Variants in FHIT observed in about 807,000 individuals in gnomAD.
FHIT encodes bis(5'-adenosyl)-triphosphatase.
FHIT carries 19 observed loss-of-function variants against 17.9 expected under a neutral mutation model. The ratio of observed to expected loss-of-function variants is 1.06; its 90% CI spans 0.74 to 1.56. The LOEUF (loss-of-function observed/expected upper bound fraction) is 1.56, where lower values mean the gene tolerates loss of function less well. FHIT is among the 40% of genes most tolerant of loss of function. FHIT has a pLI of 0.00. For synonymous variants in FHIT, 81 were observed against 69.7 expected (o/e 1.16, Z -0.81); for missense variants, 248 against 189.2 (o/e 1.31, Z -1.82).
chr3:59,924,255 C>T (rs907964063), intron 7 of FHIT, among the ~76,000 whole-genome samples: 1 of 152,160 alleles, frequency 6.6e-6, no homozygotes, highest in South Asian at 2.1e-4. Context: ...CTCCTGCCAT[C>T]CTTTCTTCTT....
intron 8 of FHIT, among the ~76,000 whole-genome samples, chr3:59,907,817 G>A (rs1216271122): frequency 1.3e-5 from 2 of 152,200 alleles, no homozygotes; most frequent in Non-Finnish European, 2.9e-5. Context: ...TAAAATTCAG[G>A]TGTTGGCCAG....
intron 5 of FHIT, among the ~76,000 whole-genome samples, chr3:60,389,302 T>G (rs1701133719): frequency 6.6e-6 from 1 of 151,184 alleles, no homozygotes; most frequent in Admixed American, 6.6e-5. Context: ...TGAGGCTTAC[T>G]ACCCTGCATG....
chr3:60,285,129 C>A (rs904573543), intron 5 of FHIT, among the ~76,000 whole-genome samples: 1 of 152,072 alleles, frequency 6.6e-6, no homozygotes, highest in South Asian at 2.1e-4. Context: ...CCTCAAAATG[C>A]CCCTGGATTG....
chr3:59,991,634 T>C (rs927373402), intron 7 of FHIT, among the ~76,000 whole-genome samples: 7 of 152,064 alleles, frequency 4.6e-5, no homozygotes, highest in Non-Finnish European at 8.8e-5. Context: ...AGTCCCTTCT[T>C]CCTTCCTTCC....
chr3:60,445,327 C>G (rs411734), intron 5 of FHIT, among the ~76,000 whole-genome samples: 1 of 151,822 alleles, frequency 6.6e-6, no homozygotes, highest in Non-Finnish European at 1.5e-5. Context: ...TCAGGGTAAC[C>G]TGTATCACAG....
At chr3:60,793,611 G>A (rs1357988576) in intron 4 of FHIT, among the ~76,000 whole-genome samples, 2 of 152,162 alleles carry the variant, frequency 1.3e-5, no homozygotes, top group Non-Finnish European at 2.9e-5. Context: ...ACAAACAAGC[G>A]GGGGTTTCTT....
chr3:59,986,972 A>C (rs1212275798), intron 7 of FHIT, among the ~76,000 whole-genome samples: 2 of 127,314 alleles, frequency 1.6e-5, no homozygotes, highest in Non-Finnish European at 3.1e-5. Context: ...TATAGGATTT[A>C]CTATAGAAAA....
At chr3:60,406,463 C>T (rs1241408360) in intron 5 of FHIT, among the ~76,000 whole-genome samples, 1 of 152,192 alleles carries the variant, frequency 6.6e-6, no homozygotes, top group Non-Finnish European at 1.5e-5. Flanking sequence ...GCCACTAATT[C>T]TGTCCTGCTA....
intron 5 of FHIT, among the ~76,000 whole-genome samples, chr3:60,365,236 A>G (rs1700060095): frequency 6.6e-6 from 1 of 151,300 alleles, no homozygotes; most frequent in Non-Finnish European, 1.5e-5. Context: ...TTCAACATAA[A>G]TTTATTATTT....
chr3:59,758,267 G>A (rs1253031954), intron 8 of FHIT, among the ~76,000 whole-genome samples: 3 of 152,292 alleles, frequency 2.0e-5, no homozygotes, highest in East Asian at 3.9e-4. Context: ...AAGGCAACTT[G>A]TACCCATGGT....
intron 2 of FHIT, among the ~76,000 whole-genome samples, chr3:61,189,590 G>GTTA (rs1203184624): frequency 7.9e-5 from 12 of 151,722 alleles, no homozygotes; most frequent in African/African-American, 2.9e-4. Context: ...CTACTTTAAA[G>GTTA]TTCATATGGA....
At chr3:59,783,586 A>T (rs1233416071) in intron 8 of FHIT, among the ~76,000 whole-genome samples, 5 of 152,150 alleles carry the variant, frequency 3.3e-5, no homozygotes, top group Non-Finnish European at 5.9e-5. Flanking sequence ...CATCTTTCTG[A>T]CAGGGTTTCT....
chr3:60,790,313 A>G (rs1700731180), intron 4 of FHIT, among the ~76,000 whole-genome samples: 1 of 152,238 alleles, frequency 6.6e-6, no homozygotes. Context: ...ACATGAAAAT[A>G]GTCAAAATTA....
chr3:60,118,776 G>GGT (rs1553689316), intron 5 of FHIT, among the ~76,000 whole-genome samples: 1 of 18,222 alleles, frequency 5.5e-5, no homozygotes, highest in African/African-American at 1.6e-4. Context: ...GGGGGCGGCG[G>GGT]GGGGGGGGGG....
intron 5 of FHIT, among the ~76,000 whole-genome samples, chr3:60,069,503 A>C (rs1421625654): frequency 6.6e-6 from 1 of 152,232 alleles, no homozygotes; most frequent in African/African-American, 2.4e-5. Flanking sequence ...CTGCAGGTCC[A>C]GCAAAGAGAC....
chr3:60,608,595 A>C (rs1193919246), intron 4 of FHIT, among the ~76,000 whole-genome samples: 1 of 151,960 alleles, frequency 6.6e-6, no homozygotes, highest in African/African-American at 2.4e-5. Flanking sequence ...TTTTCCCACC[A>C]GGAAAAAAAG....
intron 4 of FHIT, among the ~76,000 whole-genome samples, chr3:60,783,598 G>A (rs906067056): frequency 3.3e-5 from 5 of 152,086 alleles, no homozygotes; most frequent in African/African-American, 9.7e-5. Flanking sequence ...CCTGAGTGTG[G>A]GGAAATGAAT....
At chr3:60,519,410 G>A (rs1175943339) in intron 5 of FHIT, among the ~76,000 whole-genome samples, 26 of 152,086 alleles carry the variant, frequency 1.7e-4, no homozygotes, top group Admixed American at 1.7e-3. Flanking sequence ...ACAATTAAGG[G>A]GCAAGTGATC....
chr3:60,782,803 A>G (rs1700437918), intron 4 of FHIT, among the ~76,000 whole-genome samples: 1 of 152,254 alleles, frequency 6.6e-6, no homozygotes, highest in East Asian at 1.9e-4. Context: ...TCTGCTTCCA[A>G]GACAGTACAT....
Sources: gnomAD v4.1 joint callset for allele counts (sites outside exome capture counted in the v4.1 genomes callset) on GRCh38, gnomAD v4.1.1 for gene constraint, MANE v1.5 for transcripts, NCBI Gene and HGNC (gene_info 2026-07-23, HGNC 2026-07-21) for gene names.